PIEZO1: variants seen among roughly 807,000 people sequenced by gnomAD.
PIEZO1 encodes piezo-type mechanosensitive ion channel component 1.
PIEZO1 carries 296 observed loss-of-function variants against 297.2 expected under a neutral mutation model. The observed-to-expected ratio is 1.00, with a 90% CI of 0.91 to 1.10. The LOEUF (loss-of-function observed/expected upper bound fraction) is 1.10. Among genes scored for constraint, PIEZO1 ranks in the 50% least tolerant of loss-of-function variants. The probability of loss-of-function intolerance (pLI) is 0.00; values close to 1 mark genes in which losing one functional copy is unlikely to be tolerated. For missense variants in PIEZO1, 5,018 were observed against 3,455.5 expected (o/e 1.45, Z -11.34); for synonymous variants, 2,427 against 1,507.5 (o/e 1.61, Z -14.13).
intron 1 of PIEZO1, among the ~76,000 whole-genome samples, chr16:88,777,688 G>A (rs1907729218): frequency 6.6e-6 from 1 of 152,254 alleles, no homozygotes; most frequent in Non-Finnish European, 1.5e-5. Flanking sequence ...AGTAAATGAG[G>A]GAGCGAGGGC....
chr16:88,766,001 G>C (rs905283484), intron 1 of PIEZO1, among the ~76,000 whole-genome samples: 1 of 152,148 alleles, frequency 6.6e-6, no homozygotes, highest in Non-Finnish European at 1.5e-5. Context: ...AGGGTGCTGA[G>C]GATGGAGGAG....
At chr16:88,725,892 G>T (rs1332025838) in intron 27 of PIEZO1, 2 of 582,426 alleles carry the variant, frequency 3.4e-6, no homozygotes, top group Non-Finnish European at 6.1e-6. Context: ...CAGATGCAGG[G>T]GCGTCTGGTG....
At chr16:88,755,726 G>T (rs1166753208) in intron 1 of PIEZO1, among the ~76,000 whole-genome samples, 2 of 152,260 alleles carry the variant, frequency 1.3e-5, no homozygotes, top group Non-Finnish European at 2.9e-5. Flanking sequence ...CATCTCCAAA[G>T]GGGACAGTGC....
rs1375770020 is a variant in PIEZO1 at position 88,727,568 on chromosome 16, G to C, written c.3290C>G (p.Thr1097Ser). ...TGGGGGGCACTCACTGATGAGGTTG[G>C]TGGAGTTGGGGGCCCGGAAGAAATC... Reference protein sequence around the residue: ...LPDFFRAPNSTNLISDFLLLL... With the variant: ...LPDFFRAPNSSNLISDFLLLL... The change falls in exon 23 of 51, where the codon ACC becomes AGC. Residue 1097 changes from threonine (T) to serine (S), a missense_variant. By Grantham distance (58) the Thr-to-Ser change is moderately conservative. Transcript: ENST00000301015. The C allele has an allele frequency of 6.7e-7, 1 of 1,487,996 alleles. No homozygotes were observed. Among genetic ancestry groups the C allele is most frequent in the African/African-American group, 1.4e-5 (1 of 71,620 alleles). 92.2% of individuals were successfully genotyped at this position (1,487,996 alleles called of 1,614,324 possible).
rs372557703 is a variant in PIEZO1 at position 88,719,876 on chromosome 16, G to A, written c.6249C>T (p.Cys2083=). 85 of 1,550,590 alleles carry A rather than the reference G, an allele frequency of 5.5e-5. No individual in the cohort carries two copies. Among genetic ancestry groups the A allele is most frequent in the East Asian group, 2.4e-4 (10 of 40,918 alleles). The part of the protein sequence containing the change: ...YFALSAYQIR[C]GYPTRILGNF... ...TGCCGAGGATGCGGGTGGGGTAGCC[G>A]CAGCGGATCTGGTAGGCGGACAGGG... Residue 2083 remains cysteine, a synonymous_variant, in exon 43 of 51, where the codon TGC becomes TGT. Transcript: ENST00000301015.
intron 17 of PIEZO1, 72 bp from the exon 18 acceptor site, chr16:88,733,817 G>C (rs1429940531): frequency 2.7e-6 from 4 of 1,467,436 alleles, no homozygotes; most frequent in Non-Finnish European, 3.6e-6. Context: ...AGAGGCTCTG[G>C]AGCCCAGAGG....
Position 88,738,718 on chromosome 16 carries a change from C to G in PIEZO1, c.484G>C (p.Val162Leu), listed in dbSNP as rs759504314. ...AGCCCTGCCGTCGGGCTGGCATCCACATCCCTCTCATCATCATCCTGCCAA... is the reference window on the plus strand; with the variant it reads ...AGCCCTGCCGTCGGGCTGGCATCCAGATCCCTCTCATCATCATCCTGCCAA... ...PRELDDDERDVDASPTAGLQE... is the reference protein window; with the variant it reads ...PRELDDDERDLDASPTAGLQE... The change falls in exon 6 of 51, where the codon GTG becomes CTG. Residue 162 changes from valine to leucine, a missense_variant. By Grantham distance (32) the Val-to-Leu change is conservative. Coordinates refer to ENST00000301015, the MANE Select transcript of PIEZO1 (RefSeq NM_001142864.4). 16 of 1,531,948 alleles carry G rather than the reference C, an allele frequency of 1.0e-5. No individual in the cohort carries two copies. The South Asian group carries it at 1.7e-4, about 16-fold the overall frequency. The allele number at this position is 1,531,948 out of a possible 1,614,324, so 94.9% of individuals were successfully genotyped here. A position where few individuals can be genotyped will look rare whatever the true frequency, so the allele number is the denominator to read the frequency against.
intron 1 of PIEZO1, among the ~76,000 whole-genome samples, chr16:88,778,524 T>C (rs9933309): frequency 0.72 from 109,004 of 152,116 alleles, 39,404 homozygotes; most frequent in Middle Eastern, 0.84. Flanking sequence ...TCGGCAAAGG[T>C]TCCTGAGACA....
rs761458395 is a variant in PIEZO1, at chr16:88,733,413, G to A, written c.2529C>T (p.Phe843=). ...MNLLLVVLWA[F]ALPYPRFRPM... is the part of the protein sequence containing the mutation. Reference sequence around the variant, plus strand: ...GCCGGAAGCGTGGGTAGGGCAGGGCGAAGGCCCACAGCACCACCAGCAGCA... The same window carrying A: ...GCCGGAAGCGTGGGTAGGGCAGGGCAAAGGCCCACAGCACCACCAGCAGCA... Residue 843 remains phenylalanine, a synonymous_variant, in exon 19 of 51, where the codon TTC becomes TTT. Coordinates refer to ENST00000301015, the MANE Select transcript of PIEZO1 (RefSeq NM_001142864.4). The A allele has an allele frequency of 1.1e-4, 163 of 1,549,808 alleles. No homozygotes were observed. Among genetic ancestry groups the A allele is most frequent in the Non-Finnish European group, 1.3e-4 (151 of 1,146,708 alleles).
chr16:88,721,566 G>T lies in PIEZO1; in HGVS notation c.5375C>A (p.Ala1792Asp), dbSNP rs1165711741. The change falls in exon 38 of 51, where the codon GCC becomes GAC. Residue 1792 changes from alanine (A) to aspartate (D), a missense_variant. Physicochemically the swap from Ala to Asp is moderately radical, Grantham distance 126. Coordinates refer to ENST00000301015, the MANE Select transcript of PIEZO1 (RefSeq NM_001142864.4). ...YIKYDLVQLM[A>D]LFFHRSQLLC... ...CAGCTGGGAGCGGTGGAAGAAAAGG[G>T]CCATGAGCTGCACCAGGTCGTACTT... 6.5e-7 allele frequency: 1 copy of T among 1,550,134 alleles called. No homozygotes were observed. The highest frequency in any genetic ancestry group is 2.4e-5 in the East Asian group (1 of 40,908).
At chr16:88,730,597 CAAAAAAAA>C (rs59142015) in intron 22 of PIEZO1, among the ~76,000 whole-genome samples, 3 of 84,280 alleles carry the variant, frequency 3.6e-5, no homozygotes, top group Admixed American at 1.3e-4. Flanking sequence ...GACTCCATCT[CAAAAAAAA>C]AAAAAAAAAA....
intron 1 of PIEZO1, among the ~76,000 whole-genome samples, chr16:88,771,084 T>A (rs1225154237): frequency 1.3e-5 from 2 of 152,130 alleles, no homozygotes; most frequent in African/African-American, 2.4e-5. Flanking sequence ...GCAGGTGGTC[T>A]CAGTCCCGGA....
intron 5 of PIEZO1, 121 bp downstream of exon 5, chr16:88,741,357 C>T (rs1597464489): frequency 4.2e-6 from 4 of 961,270 alleles, no homozygotes; most frequent in Non-Finnish European, 6.0e-6. Context: ...CTCTCTTTAA[C>T]ACCAACTTAC....
chr16:88,715,813 T>C lies in PIEZO1; in HGVS notation c.7358A>G (p.Lys2453Arg). Residue 2453 changes from lysine to arginine, a missense_variant, in exon 51 of 51, where the codon AAG becomes AGG. Coordinates refer to ENST00000301015, the MANE Select transcript of PIEZO1 (RefSeq NM_001142864.4). The stretch of plus-strand genomic sequence containing the variant: ...CTCGCTGAAGAATCCGCGCACGAAC[T>C]TGCCGATGACCAGCACGATGGACAC... ...LYVSIVLVIG[K>R]FVRGFFSEIS... 3.9e-6 allele frequency: 6 copies of C among 1,550,218 alleles called. No homozygotes were observed. Among genetic ancestry groups the C allele is most frequent in the Non-Finnish European group, 5.2e-6 (6 of 1,146,920 alleles).
chr16:88,732,781 CT>C (rs1197306925), intron 19 of PIEZO1, 49 bp from the exon 20 acceptor site: 22 of 1,489,926 alleles, frequency 1.5e-5, no homozygotes, highest in African/African-American at 2.8e-5. Context: ...ACAGTGCCCC[CT>C]GGCCCTGCCC....
chr16:88,742,463 G>T (rs1273642273), intron 2 of PIEZO1, 41 bp from the exon 3 acceptor site: 1 of 1,528,114 alleles, frequency 6.5e-7, no homozygotes. Flanking sequence ...CCGGGGACGG[G>T]GAGGGGCCGC....
rs1347322050 is a variant in PIEZO1, at chr16:88,741,477, C to G, written c.465+1G>C. 3 of 1,534,354 alleles carry G rather than the reference C, an allele frequency of 2.0e-6. No homozygotes were observed. The highest frequency in any genetic ancestry group is 2.4e-5 in the South Asian group (2 of 84,002). ...CACACGGGTGACGCAGCTGCCCTCA[C>G]CAGCTCCCGTGGATGTGGGCTCTGC... is the stretch of plus-strand genomic sequence containing the variant. On this transcript the variant is annotated splice_donor_variant, in intron 5 of 50. Coordinates refer to ENST00000301015, the MANE Select transcript of PIEZO1 (RefSeq NM_001142864.4). LOFTEE classifies it high-confidence loss of function.
chr16:88,721,516 G>C (rs1028814979), intron 38 of PIEZO1, 22 bp downstream of exon 38: 2 of 1,542,342 alleles, frequency 1.3e-6, no homozygotes, highest in African/African-American at 2.7e-5. Flanking sequence ...GCCCCGCATT[G>C]CCAGCCAAGG....
chr16:88,716,956 G>A (rs552817792), intron 45 of PIEZO1, 58 bp from the exon 46 acceptor site: 39 of 1,545,406 alleles, frequency 2.5e-5, no homozygotes, highest in Non-Finnish European at 3.5e-6. Flanking sequence ...GCGGCTGGGG[G>A]TGGTGCACCA....
Sources: allele counts gnomAD v4.1 joint callset (sites outside exome capture counted in the v4.1 genomes callset), GRCh38; gene constraint gnomAD v4.1.1; transcripts MANE v1.5; gene names NCBI Gene and HGNC (gene_info 2026-07-23, HGNC 2026-07-21).